The following KATNA1 variants were observed in gnomAD, a reference collection of about 807,000 sequenced individuals.
The protein encoded by KATNA1 is katanin catalytic subunit A1.
A neutral mutation model predicts 62.6 loss-of-function variants in KATNA1; 42 were observed. The observed-to-expected ratio is 0.67, with a 90% CI of 0.52 to 0.87. The LOEUF is 0.87. Among genes scored for constraint, KATNA1 ranks in the 40% least tolerant of loss-of-function variants. KATNA1 has a pLI of 0.00. For synonymous variants in KATNA1, 186 were observed against 201.9 expected (o/e 0.92, Z 0.67); for missense variants, 498 against 612.5 (o/e 0.81, Z 1.97).
At chr6:149,595,735 C>G (rs1205813222) in intron 10 of KATNA1, among the ~76,000 whole-genome samples, 1 of 151,980 alleles carries the variant, frequency 6.6e-6, no homozygotes, top group Non-Finnish European at 1.5e-5. Context: ...TAGCAGCCAC[C>G]ATTTATGCAA....
intron 4 of KATNA1, among the ~76,000 whole-genome samples, chr6:149,607,981 G>A (rs1778804647): frequency 6.6e-6 from 1 of 152,100 alleles, no homozygotes; most frequent in Non-Finnish European, 1.5e-5. Context: ...CAGGAGAATC[G>A]CTTGAACCTG....
intron 4 of KATNA1, among the ~76,000 whole-genome samples, chr6:149,605,640 G>A (rs898661051): frequency 2.6e-5 from 4 of 152,170 alleles, no homozygotes; most frequent in Non-Finnish European, 4.4e-5. Context: ...GAGGTATTGT[G>A]GGATAGTTTA....
At position 149,604,705 on chromosome 6, in the gene KATNA1, T is replaced by G; in HGVS notation, c.579A>C (p.Glu193Asp). 6.2e-7 allele frequency: 1 copy of G among 1,612,736 alleles called. No individual in the cohort carries two copies. The highest frequency in any genetic ancestry group is 1.1e-5 in the South Asian group (1 of 91,068). The change falls in exon 5 of 11, where the codon GAA becomes GAC. Residue 193 changes from glutamate (E) to aspartate (D), a missense_variant. This residue lies in a region of KATNA1 where 203 missense variants were observed against 198.4 expected (regional missense o/e 1.02). Coordinates refer to ENST00000367411, the MANE Select transcript of KATNA1 (RefSeq NM_007044.4). ...DSTGYDKDLV[E>D]ALERDIISQN... ...GGGAAATTATATCTCTTTCCAAAGC[T>G]TCTACTAAGTCTTTATCATATCCGG...
In KATNA1 at chr6:149,613,066, G is replaced by A. The variant is rs58735783; in HGVS notation, c.502-8284C>T. ...GTGGTGGCGGGCGCCTGTAGTCCCA[G>A]CTACTCGGGAGGCTGAGGCAGGAGA... On this transcript the variant is annotated intron_variant, in intron 4 of 10. Transcript: ENST00000367411. Among the ~76,000 whole-genome samples the A allele has an allele frequency of 3.8e-3, 574 of 150,898 alleles. 3 individuals carry two copies. Among genetic ancestry groups the A allele is most frequent in the African/African-American group, 0.013 (548 of 41,202 alleles).
intron 2 of KATNA1, among the ~76,000 whole-genome samples, chr6:149,633,537 C>A (rs915970064): frequency 4.0e-5 from 6 of 151,754 alleles, no homozygotes; most frequent in African/African-American, 1.5e-4. Flanking sequence ...TTGAGACAAG[C>A]CTGGCCAACA....
chr6:149,629,119 A>G (rs955561898), intron 3 of KATNA1, among the ~76,000 whole-genome samples: 1 of 152,034 alleles, frequency 6.6e-6, no homozygotes, highest in Non-Finnish European at 1.5e-5. Flanking sequence ...TGCTTGTGAG[A>G]CTGAGGTGAC....
At chr6:149,599,524 C>T (rs1378368822) in intron 7 of KATNA1, among the ~76,000 whole-genome samples, 1 of 151,982 alleles carries the variant, frequency 6.6e-6, no homozygotes, top group African/African-American at 2.4e-5. Context: ...GTAAGAGAAG[C>T]CTCTTTTTCA....
chr6:149,618,792 C>G (rs917044695), intron 4 of KATNA1, among the ~76,000 whole-genome samples: 1 of 152,136 alleles, frequency 6.6e-6, no homozygotes, highest in Non-Finnish European at 1.5e-5. Flanking sequence ...AAATAAGGAG[C>G]TAGACCCCCT....
At chr6:149,608,385 C>A (rs931866746) in intron 4 of KATNA1, among the ~76,000 whole-genome samples, 1 of 152,150 alleles carries the variant, frequency 6.6e-6, no homozygotes, top group South Asian at 2.1e-4. Flanking sequence ...AACCTGGATA[C>A]GCCAATTTGA....
intron 4 of KATNA1, among the ~76,000 whole-genome samples, chr6:149,612,307 AG>A: frequency 6.6e-6 from 1 of 152,292 alleles, no homozygotes; most frequent in East Asian, 1.9e-4. Flanking sequence ...CAGGAGTTCA[AG>A]ATCAGCCTGA....
intron 3 of KATNA1, among the ~76,000 whole-genome samples, chr6:149,624,841 G>C (rs962726231): frequency 8.0e-5 from 12 of 150,910 alleles, no homozygotes; most frequent in African/African-American, 2.9e-4. Context: ...TAAACAGACA[G>C]AAGCTATGTA....
rs368939794 is a variant in KATNA1 at position 149,638,534 on chromosome 6, A to G, written c.14T>C (p.Met5Thr). The change falls in exon 2 of 11, where the codon ATG (methionine) becomes ACG (threonine). Residue 5 changes from methionine (M) to threonine (T), a missense_variant. Coordinates refer to ENST00000367411, the MANE Select transcript of KATNA1 (RefSeq NM_007044.4). MSLL[M>T]ISENVKLARE... Reference sequence around the variant, plus strand: ...AGCCAATTTTACATTCTCACTAATCATAAGAAGACTCATGTTCAACTGTAA... The same window carrying G: ...AGCCAATTTTACATTCTCACTAATCGTAAGAAGACTCATGTTCAACTGTAA... 3 of 1,613,052 alleles carry G rather than the reference A, an allele frequency of 1.9e-6. No individual in the cohort carries two copies. The highest frequency in any genetic ancestry group is 2.2e-5 in the East Asian group (1 of 44,858).
intron 7 of KATNA1, among the ~76,000 whole-genome samples, chr6:149,601,301 C>G (rs1006171093): frequency 5.3e-5 from 8 of 152,096 alleles, no homozygotes; most frequent in African/African-American, 1.7e-4. Context: ...ATAACTAAAC[C>G]TATTGATTTA....
intron 4 of KATNA1, among the ~76,000 whole-genome samples, chr6:149,618,888 T>G (rs9485408): frequency 6.6e-6 from 1 of 151,988 alleles, no homozygotes; most frequent in Non-Finnish European, 1.5e-5. Context: ...TAGAAGATGA[T>G]GTAGGAGAAA....
chr6:149,643,050 T>C (rs1247722546), intron 1 of KATNA1, among the ~76,000 whole-genome samples: 3 of 152,216 alleles, frequency 2.0e-5, no homozygotes, highest in African/African-American at 7.2e-5. Context: ...TCTTGCTTGC[T>C]GTCTCTTGCT....
chr6:149,605,048 C>CTG (rs1292281663), intron 4 of KATNA1, among the ~76,000 whole-genome samples: 1 of 152,022 alleles, frequency 6.6e-6, no homozygotes, highest in Non-Finnish European at 1.5e-5. Context: ...GTGGCGGCAC[C>CTG]TGTAGTCCCA....
rs140701088 is a variant in KATNA1, at chr6:149,596,822, A to G, written c.1277+241T>C. Among the ~76,000 whole-genome samples the G allele has an allele frequency of 6.8e-3, 1,028 of 152,130 alleles. 12 individuals carry two copies. Among genetic ancestry groups the G allele is most frequent in the African/African-American group, 0.024 (995 of 41,510 alleles). On this transcript the variant is annotated intron_variant, in intron 10 of 10. Coordinates refer to ENST00000367411, the MANE Select transcript of KATNA1 (RefSeq NM_007044.4). ...AAGTGATCTCCCACTTGGCCTCCCAAAGTGCTGAGATTACAGGCGTGAGCC... is the reference window on the plus strand; with the variant it reads ...AAGTGATCTCCCACTTGGCCTCCCAGAGTGCTGAGATTACAGGCGTGAGCC...
rs60959540 is a variant in KATNA1 at position 149,645,731 on chromosome 6, AACTT to A, written c.-14+2734_-14+2737del. 3.6e-3 allele frequency among the ~76,000 whole-genome samples: 554 copies of A among 152,356 alleles called. 3 individuals are homozygous for A. Among genetic ancestry groups the A allele is most frequent in the African/African-American group, 0.013 (527 of 41,586 alleles). The stretch of plus-strand genomic sequence containing the variant: ...TTATGAGTTAGCTAATGACTAAATT[AACTT>A]ACTTAGAGTAAGCAAGATGCAATGT... On this transcript the variant is annotated intron_variant, in intron 1 of 10. Transcript: ENST00000367411.
chr6:149,621,756 G>C (rs543677384), intron 4 of KATNA1, among the ~76,000 whole-genome samples: 2 of 151,720 alleles, frequency 1.3e-5, no homozygotes, highest in East Asian at 1.9e-4. Context: ...GCCTCCCAAA[G>C]TGCTGGGATT....
Sources: allele counts gnomAD v4.1 joint callset (sites outside exome capture counted in the v4.1 genomes callset), GRCh38; gene constraint gnomAD v4.1.1; regional missense constraint gnomAD v4.1.1; transcripts MANE v1.5; gene names NCBI Gene and HGNC (gene_info 2026-07-23, HGNC 2026-07-21).